The following NOTCH1 variants were observed in gnomAD, a reference collection of about 807,000 sequenced individuals.
NOTCH1 encodes notch receptor 1, also known as neurogenic locus notch homolog protein 1.
NOTCH1 carries 37 observed loss-of-function variants against 254.8 expected under a neutral mutation model. The observed-to-expected ratio is 0.15, with a 90% CI of 0.11 to 0.19. The LOEUF is 0.19. Ranked by LOEUF, NOTCH1 falls within the 10% of genes least tolerant of loss-of-function variation. The pLI is 1.00. For synonymous variants in NOTCH1, 1,731 were observed against 1,618.1 expected (o/e 1.07, Z -1.68); for missense variants, 2,972 against 3,708.6 (o/e 0.80, Z 5.16).
chr9:136,524,639 C>CTTTTTTTTTTTTT (rs869128901), intron 2 of NOTCH1, among the ~76,000 whole-genome samples: 1 of 54,410 alleles, frequency 1.8e-5, no homozygotes, highest in African/African-American at 8.5e-5. Flanking sequence ...TTTTTCTTTT[C>CTTTTTTTTTTTTT]TTTTTTTTTT....
intron 2 of NOTCH1, among the ~76,000 whole-genome samples, chr9:136,541,518 C>T (rs921490002): frequency 6.6e-6 from 1 of 152,214 alleles, no homozygotes; most frequent in African/African-American, 2.4e-5. Context: ...GAGCCTGCAC[C>T]CCAGACTCTT....
At chr9:136,517,103 G>A (rs941520909) in intron 9 of NOTCH1, among the ~76,000 whole-genome samples, 169 bp downstream of exon 9, 2 of 150,600 alleles carry the variant, frequency 1.3e-5, no homozygotes, top group Non-Finnish European at 3.0e-5. Flanking sequence ...TCACCCCTCA[G>A]GAGGCCGGGG....
At chr9:136,529,732 A>T (rs1843528137) in intron 2 of NOTCH1, among the ~76,000 whole-genome samples, 1 of 152,260 alleles carries the variant, frequency 6.6e-6, no homozygotes, top group African/African-American at 2.4e-5. Context: ...GGCGCCCTGC[A>T]GCCGCTGGGT....
intron 1 of NOTCH1, among the ~76,000 whole-genome samples, chr9:136,544,693 G>T (rs913976278): frequency 2.6e-5 from 4 of 152,096 alleles, no homozygotes; most frequent in Non-Finnish European, 4.4e-5. Flanking sequence ...AGTCGGGGCC[G>T]CCTCCAGGGG....
intron 31 of NOTCH1, 92 bp downstream of exon 31, chr9:136,500,460 A>G (rs780836691): frequency 9.6e-5 from 145 of 1,502,806 alleles, no homozygotes; most frequent in South Asian, 7.6e-4. Flanking sequence ...GCTCGGGGTC[A>G]GGCTCCCAGG....
Position 136,502,405 on chromosome 9 carries a change from C to A in NOTCH1, c.5251G>T (p.Gly1751Cys), listed in dbSNP as rs1589056699. 4 of 1,611,722 alleles carry A rather than the reference C, an allele frequency of 2.5e-6. No homozygotes were observed. The highest frequency in any genetic ancestry group is 2.5e-6 in the Non-Finnish European group (3 of 1,179,584). The change falls in exon 28 of 34, where the codon GGC becomes TGC. Residue 1751 changes from glycine (G) to cysteine (C), a missense_variant. Physicochemically the swap from Gly to Cys is radical, Grantham distance 159. Around this residue, in one of 8 missense-constraint regions of NOTCH1, gnomAD observed 421 missense variants for 604.4 expected, o/e 0.70. Coordinates refer to ENST00000651671, the MANE Select transcript of NOTCH1 (RefSeq NM_017617.5). ...AAAFVLLFFV[G>C]CGVLLSRKRR... ...TTGCGGGACAGCAGCACCCCGCAGCCCACGAAGAACAGAAGCACAAAGGCG... is the reference window on the plus strand; with the variant it reads ...TTGCGGGACAGCAGCACCCCGCAGCACACGAAGAACAGAAGCACAAAGGCG...
At chr9:136,522,589 A>G in intron 4 of NOTCH1, 1 of 498,590 alleles carries the variant, frequency 2.0e-6, no homozygotes, top group Non-Finnish European at 3.5e-6. Flanking sequence ...AGGGCGTCCT[A>G]CAGCTCGAAT....
intron 2 of NOTCH1, among the ~76,000 whole-genome samples, chr9:136,532,817 T>C (rs1843583540): frequency 6.6e-6 from 1 of 152,176 alleles, no homozygotes; most frequent in Non-Finnish European, 1.5e-5. Flanking sequence ...GCCTGTGTTG[T>C]TGACCCAGTG....
rs1406216361 is a variant in NOTCH1, at chr9:136,509,765, G to A, written c.2937C>T (p.His979=). 6 of 1,612,962 alleles carry A rather than the reference G, an allele frequency of 3.7e-6. No individual in the cohort carries two copies. Among genetic ancestry groups the A allele is most frequent in the Middle Eastern group, 1.6e-4 (1 of 6,084 alleles). The change falls in exon 18 of 34, where the codon CAC becomes CAT. Residue 979 remains histidine (H), a synonymous_variant. Transcript: ENST00000651671. ...TGCAGTCAGGCGTGTTGTTCTCACA[G>A]TGGATCCCGCTGAAGCCTGCGGGGC... ...CTCPAGFSGI[H]CENNTPDCTE...
rs1340144781 is a variant in NOTCH1, at chr9:136,496,498, G to A, written c.7241C>T (p.Pro2414Leu). ...QQQSLQPPPPPPQPHLGVSSA... is the reference protein window; with the variant it reads ...QQQSLQPPPPLPQPHLGVSSA... ...GCTCACGCCAAGGTGCGGCTGTGGTGGTGGTGGTGGCGGCTGCAGGCTTTG... is the reference window on the plus strand; with the variant it reads ...GCTCACGCCAAGGTGCGGCTGTGGTAGTGGTGGTGGCGGCTGCAGGCTTTG... Residue 2414 changes from proline (P) to leucine (L), a missense_variant, in exon 34 of 34, where the codon CCA becomes CTA. Coordinates refer to ENST00000651671, the MANE Select transcript of NOTCH1 (RefSeq NM_017617.5). The A allele has an allele frequency of 6.2e-7, 1 of 1,602,272 alleles. No homozygotes were observed. The highest frequency in any genetic ancestry group is 2.2e-5 in the East Asian group (1 of 44,892).
intron 5 of NOTCH1, 24 bp from the exon 6 acceptor site, chr9:136,518,848 C>T (rs1843321162): frequency 1.3e-6 from 2 of 1,599,540 alleles, no homozygotes; most frequent in South Asian, 1.1e-5. Context: ...GAGCTGTCGG[C>T]CCCGGGCAGC....
In NOTCH1 at chr9:136,494,631, C is replaced by T. The variant is rs543012611; in HGVS notation, c.*1440G>A. ...CATGCCCCCTGGGGATGGCACCACG[C>T]GGCCCCCGTAGAGCCGGGGGAGGCT... On this transcript the variant is annotated 3_prime_UTR_variant, in exon 34 of 34. Coordinates refer to ENST00000651671, the MANE Select transcript of NOTCH1 (RefSeq NM_017617.5). The T allele has an allele frequency of 3.3e-5, 13 of 398,896 alleles. No homozygotes were observed. In the South Asian group the frequency reaches 5.1e-4, roughly 16 times the overall value. 24.7% of individuals were successfully genotyped at this position (398,896 alleles called of 1,614,324 possible).
chr9:136,523,465 G>A (rs1271314996), intron 3 of NOTCH1, among the ~76,000 whole-genome samples: 2 of 152,250 alleles, frequency 1.3e-5, no homozygotes, highest in Admixed American at 6.5e-5. Context: ...GAGGAAGGGG[G>A]CAGGGGCGGC....
chr9:136,530,096 G>C (rs540598229), intron 2 of NOTCH1, among the ~76,000 whole-genome samples: 5 of 152,314 alleles, frequency 3.3e-5, no homozygotes, highest in East Asian at 3.9e-4. Context: ...AACAGCCGCC[G>C]CTCCGGAGAC....
intron 1 of NOTCH1, 51 bp from the exon 2 acceptor site, chr9:136,544,153 C>CACG: frequency 1.3e-6 from 2 of 1,507,056 alleles, no homozygotes; most frequent in Non-Finnish European, 1.8e-6. Context: ...CCACCACCAC[C>CACG]GAAGGCCCTG....
chr9:136,508,891 G>C lies in NOTCH1; in HGVS notation c.3150C>G (p.Gly1050=). 1 of 1,547,972 alleles carries C rather than the reference G, an allele frequency of 6.5e-7. No individual in the cohort carries two copies. The highest frequency in any genetic ancestry group is 8.7e-7 in the Non-Finnish European group (1 of 1,146,592). The stretch of plus-strand genomic sequence containing the variant: ...TCACCTGGCAGTTGGGGCCAGTGTA[G>C]CCCTGGGGGCAGGTGCACCTGTAGG... The part of the protein sequence containing the change: ...CGSYRCTCPQ[G]YTGPNCQNLV... The change falls in exon 19 of 34, where the codon GGC becomes GGG. Residue 1050 remains glycine (G), a synonymous_variant. Transcript: ENST00000651671.
chr9:136,505,738 C>T lies in NOTCH1; in HGVS notation c.4158G>A (p.Pro1386=), dbSNP rs760205847. The part of the protein sequence containing the change: ...GPFTGPECQF[P]ASSPCLGGNP... ...TGCCGCCCAGGCAGGGGCTGCTGGC[C>T]GGGAACTGGCATTCGGGGCCCGTGA... Residue 1386 remains proline, a synonymous_variant, in exon 25 of 34, where the codon CCG becomes CCA. Coordinates refer to ENST00000651671, the MANE Select transcript of NOTCH1 (RefSeq NM_017617.5). 34 of 1,591,056 alleles carry T rather than the reference C, an allele frequency of 2.1e-5. No individual in the cohort carries two copies. The highest frequency in any genetic ancestry group is 1.7e-4 in the Middle Eastern group (1 of 5,982).
At chr9:136,511,514 T>G (rs1471309253) in intron 15 of NOTCH1, among the ~76,000 whole-genome samples, 1 of 152,132 alleles carries the variant, frequency 6.6e-6, no homozygotes, top group Non-Finnish European at 1.5e-5. Context: ...AAGCCACCCC[T>G]CATTCCCGGT....
chr9:136,538,832 G>A (rs540240046), intron 2 of NOTCH1, among the ~76,000 whole-genome samples: 1 of 152,348 alleles, frequency 6.6e-6, no homozygotes, highest in African/African-American at 2.4e-5. Context: ...GTGTGGAGCT[G>A]TCATCGCTGC....
Sources: allele counts gnomAD v4.1 joint callset (sites outside exome capture counted in the v4.1 genomes callset), GRCh38; gene constraint gnomAD v4.1.1; regional missense constraint gnomAD v4.1.1; transcripts MANE v1.5; gene names NCBI Gene and HGNC (gene_info 2026-07-23, HGNC 2026-07-21).